The following GHR variants were observed in gnomAD, a reference collection of about 807,000 sequenced individuals.
GHR encodes growth hormone receptor.
GHR carries 35 observed loss-of-function variants against 67.1 expected under a neutral mutation model. The ratio of observed to expected loss-of-function variants is 0.52; its 90% CI spans 0.40 to 0.69. GHR has a LOEUF of 0.69. Ranked by LOEUF, GHR falls within the 30% of genes least tolerant of loss-of-function variation. The pLI, the probability that GHR is intolerant of heterozygous loss-of-function variation, is 0.00. For synonymous variants in GHR, 272 were observed against 269.1 expected (o/e 1.01, Z -0.10); for missense variants, 792 against 764.6 (o/e 1.04, Z -0.42).
intron 1 of GHR, among the ~76,000 whole-genome samples, chr5:42,470,786 A>C (rs1744979685): frequency 6.6e-6 from 1 of 152,174 alleles, no homozygotes; most frequent in Non-Finnish European, 1.5e-5. Flanking sequence ...ACTCAGCTGA[A>C]GGACTAATGA....
At chr5:42,711,411 C>T (rs780034375) in intron 7 of GHR, 39 bp downstream of exon 7, 1 of 1,465,718 alleles carries the variant, frequency 6.8e-7, no homozygotes, top group Non-Finnish European at 9.6e-7. Flanking sequence ...GCTAACCTGG[C>T]TTTTGTCAAT....
intron 1 of GHR, among the ~76,000 whole-genome samples, chr5:42,562,056 ATTACAT>A (rs1749636921): frequency 6.6e-6 from 1 of 152,180 alleles, no homozygotes; most frequent in African/African-American, 2.4e-5. Context: ...CTAGTATATC[ATTACAT>A]TGTAATGTTA....
intron 5 of GHR, 126 bp downstream of exon 5, chr5:42,695,215 G>T: frequency 1.4e-6 from 1 of 726,820 alleles, no homozygotes. Context: ...ATGGAGATCT[G>T]TTTTACAGGA....
At chr5:42,671,397 A>G (rs991843622) in intron 3 of GHR, among the ~76,000 whole-genome samples, 5 of 152,036 alleles carry the variant, frequency 3.3e-5, no homozygotes, top group African/African-American at 7.2e-5. Context: ...GCCCACCCCC[A>G]TGATTCAAAC....
intron 1 of GHR, among the ~76,000 whole-genome samples, chr5:42,451,616 G>C (rs1036055990): frequency 6.7e-6 from 1 of 150,330 alleles, no homozygotes; most frequent in African/African-American, 2.5e-5. Flanking sequence ...TGTGGCAGGA[G>C]AGTCACTTGA....
At chr5:42,482,801 A>G (rs1745709943) in intron 1 of GHR, among the ~76,000 whole-genome samples, 1 of 152,120 alleles carries the variant, frequency 6.6e-6, no homozygotes, top group African/African-American at 2.4e-5. Flanking sequence ...TTGACTAGGA[A>G]AGGGAATTCC....
chr5:42,673,221 C>T (rs1027625743), intron 3 of GHR, among the ~76,000 whole-genome samples: 1 of 152,074 alleles, frequency 6.6e-6, no homozygotes, highest in Admixed American at 6.6e-5. Context: ...CTATATCACA[C>T]CAGTCAGAAT....
Position 42,468,786 on chromosome 5 carries a change from G to A in GHR, c.-12+44831G>A, listed in dbSNP as rs972564789. 57 of 1,093,406 alleles carry A rather than the reference G, an allele frequency of 5.2e-5. No homozygotes were observed. In the African/African-American group the frequency reaches 8.4e-4, roughly 16 times the overall value. The allele number at this position is 1,093,406 out of a possible 1,614,324, so 67.7% of individuals were successfully genotyped here. ...TCTCTCCTGCCTTCAGCACCTCGAA[G>A]GGGTCCGATTAGTTGTCAAATAACT... On this transcript the variant is annotated intron_variant, in intron 1 of 9. Coordinates refer to ENST00000230882, the MANE Select transcript of GHR (RefSeq NM_000163.5).
chr5:42,505,314 A>AT (rs768623680), intron 1 of GHR, among the ~76,000 whole-genome samples: 3 of 151,524 alleles, frequency 2.0e-5, no homozygotes, highest in Admixed American at 6.6e-5. Context: ...TACTTGAGCA[A>AT]TTTTTTGCGC....
intron 2 of GHR, among the ~76,000 whole-genome samples, chr5:42,628,047 C>A (rs1753791884): frequency 6.6e-6 from 1 of 152,104 alleles, no homozygotes; most frequent in Non-Finnish European, 1.5e-5. Flanking sequence ...TGGCTGGACT[C>A]TTCTCCAACC....
intron 2 of GHR, among the ~76,000 whole-genome samples, chr5:42,571,820 T>C (rs1579962913): frequency 6.6e-6 from 1 of 152,200 alleles, no homozygotes; most frequent in African/African-American, 2.4e-5. Context: ...GTATCCTAAA[T>C]TGTGGCTCTT....
chr5:42,426,612 A>G (rs1400326524), intron 1 of GHR, among the ~76,000 whole-genome samples: 1 of 152,236 alleles, frequency 6.6e-6, no homozygotes. Flanking sequence ...AAAGAACCCT[A>G]TAATTTCTGT....
intron 3 of GHR, among the ~76,000 whole-genome samples, chr5:42,670,886 T>C (rs1272281148): frequency 7.0e-6 from 1 of 142,182 alleles, no homozygotes; most frequent in Non-Finnish European, 1.5e-5. Flanking sequence ...AAAAAATATA[T>C]ATATATATAT....
chr5:42,539,861 T>C (rs1248927091), intron 1 of GHR, among the ~76,000 whole-genome samples: 1 of 152,202 alleles, frequency 6.6e-6, no homozygotes, highest in Non-Finnish European at 1.5e-5. Flanking sequence ...TTTTATCTTG[T>C]ACTGAATAAT....
intron 1 of GHR, among the ~76,000 whole-genome samples, chr5:42,437,603 A>C (rs1202810623): frequency 6.6e-6 from 1 of 151,714 alleles, no homozygotes; most frequent in Non-Finnish European, 1.5e-5. Flanking sequence ...GCTGGAGTGC[A>C]GTGGCGTGAA....
intron 1 of GHR, among the ~76,000 whole-genome samples, chr5:42,497,371 T>G (rs898938350): frequency 1.3e-5 from 2 of 152,192 alleles, no homozygotes; most frequent in African/African-American, 4.8e-5. Context: ...TCTTTCCCAT[T>G]TCATCCCTTT....
At chr5:42,537,339 G>T (rs1485978381) in intron 1 of GHR, among the ~76,000 whole-genome samples, 1 of 152,094 alleles carries the variant, frequency 6.6e-6, no homozygotes, top group African/African-American at 2.4e-5. Context: ...GTATCCCAAA[G>T]GTTTTGATAG....
intron 1 of GHR, among the ~76,000 whole-genome samples, chr5:42,493,057 T>G (rs1746180288): frequency 6.6e-6 from 1 of 152,164 alleles, no homozygotes; most frequent in Non-Finnish European, 1.5e-5. Flanking sequence ...GGATAGAAAC[T>G]GTATTATTTG....
chr5:42,467,831 G>A (rs546788126), intron 1 of GHR: 95 of 1,188,380 alleles, frequency 8.0e-5, no homozygotes, highest in Admixed American at 3.2e-4. Flanking sequence ...CTGGGTTTTC[G>A]GATTGTTAAC....
Sources: gnomAD v4.1 joint callset for allele counts (sites outside exome capture counted in the v4.1 genomes callset) on GRCh38, gnomAD v4.1.1 for gene constraint, MANE v1.5 for transcripts, NCBI Gene and HGNC (gene_info 2026-07-23, HGNC 2026-07-21) for gene names.